The following HELLS variants were observed in gnomAD, a reference collection of about 807,000 sequenced individuals.
The protein encoded by HELLS is lymphoid-specific helicase.
In HELLS, 32 loss-of-function variants were observed where a neutral mutation model predicts 120.0. That is an observed-to-expected ratio of 0.27 (90% CI 0.20 to 0.36). HELLS has a LOEUF of 0.36. HELLS is among the 10% of genes least tolerant of loss of function. HELLS has a pLI of 1.00. For missense variants in HELLS, 650 were observed against 993.4 expected (o/e 0.65, Z 4.65); for synonymous variants, 341 against 323.4 (o/e 1.05, Z -0.58).
In HELLS at chr10:94,577,920, G is replaced by C. The variant is rs1442976390; in HGVS notation, c.1032+1115G>C. On this transcript the variant is annotated intron_variant, in intron 10 of 21. Transcript: ENST00000348459. ...ACTAAAAATTACAAAAAAATTAGCC[G>C]GGCGCGGTGGCGGGCGCCTGTAGTC... Among the ~76,000 whole-genome samples, 3 of 152,138 alleles carry C rather than the reference G, an allele frequency of 2.0e-5. No individual in the cohort carries two copies. The East Asian group carries it at 5.8e-4, about 29-fold the overall frequency.
chr10:94,568,207 C>CG (rs1843936368), intron 6 of HELLS, among the ~76,000 whole-genome samples: 1 of 144,428 alleles, frequency 6.9e-6, no homozygotes. Context: ...CGCGCCTGGC[C>CG]CTTTTTTTTT....
At chr10:94,612,716 A>G (rs1164898510) in exon 10 of HELLS, 3 of 152,232 alleles carry the variant, frequency 2.0e-5, no homozygotes, top group Non-Finnish European at 2.9e-5. Flanking sequence ...ACTTGAGGCC[A>G]GGAGTTTGAA....
rs145028585 is a variant in HELLS, at chr10:94,581,352, A to T, written c.1059A>T (p.Val353=). Reference sequence around the variant, plus strand: ...ATTGCTATTGGAAATACTTAATAGTAGATGAAGGACACAGGATTAAGAATA... The same window carrying T: ...ATTGCTATTGGAAATACTTAATAGTTGATGAAGGACACAGGATTAAGAATA... ...LQHCYWKYLI[V]DEGHRIKNMK... is the part of the protein sequence containing the mutation. The change falls in exon 11 of 22, where the codon GTA becomes GTT. Residue 353 remains valine, a synonymous_variant. Coordinates refer to ENST00000348459, the MANE Select transcript of HELLS (RefSeq NM_018063.5). 21 of 1,588,632 alleles carry T rather than the reference A, an allele frequency of 1.3e-5. No homozygotes were observed. Among genetic ancestry groups the T allele is most frequent in the Non-Finnish European group, 1.5e-5 (18 of 1,169,756 alleles).
At chr10:94,585,904 T>C (rs1845119571) in intron 12 of HELLS, among the ~76,000 whole-genome samples, 1 of 152,030 alleles carries the variant, frequency 6.6e-6, no homozygotes, top group African/African-American at 2.4e-5. Flanking sequence ...GTATAAGTCT[T>C]GTTTTTGTCT....
At chr10:94,602,420 C>T (rs950897474), downstream of HELLS, among the ~76,000 whole-genome samples, 1 of 152,098 alleles carries the variant, frequency 6.6e-6, no homozygotes, top group Admixed American at 6.5e-5. Context: ...AATGCACAAT[C>T]TGTAATAGAA....
exon 9 of HELLS, chr10:94,607,931 T>G: frequency 2.3e-6 from 1 of 432,008 alleles, no homozygotes; most frequent in Non-Finnish European, 4.6e-6. Flanking sequence ...TTTCACCATC[T>G]TGGCCTGACT....
chr10:94,603,044 A>C (rs1846082913), downstream of HELLS, among the ~76,000 whole-genome samples: 1 of 152,202 alleles, frequency 6.6e-6, no homozygotes, highest in African/African-American at 2.4e-5. Context: ...AGAATCTTTA[A>C]AAGTTGTCAC....
In HELLS at chr10:94,565,920, G is replaced by C. The variant is rs7078478; in HGVS notation, c.435+3044G>C. Among the ~76,000 whole-genome samples the C allele has an allele frequency of 3.3e-5, 5 of 151,562 alleles. No homozygotes were observed. In the South Asian group the frequency reaches 6.3e-4, roughly 19 times the overall value. On this transcript the variant is annotated intron_variant, in intron 6 of 21. Coordinates refer to ENST00000348459, the MANE Select transcript of HELLS (RefSeq NM_018063.5). ...ATTGAATTTTTTTTTTTTTGAGACA[G>C]TGTTTCTATTACCCTGGCTCGAATG...
chr10:94,558,721 C>G (rs1035156196), intron 4 of HELLS, among the ~76,000 whole-genome samples: 2 of 152,088 alleles, frequency 1.3e-5, no homozygotes, highest in African/African-American at 4.8e-5. Flanking sequence ...CCTGTCTCAG[C>G]CTCCCGAGTA....
At chr10:94,552,843 G>GTGGC (rs1843053981) in intron 2 of HELLS, among the ~76,000 whole-genome samples, 1 of 152,136 alleles carries the variant, frequency 6.6e-6, no homozygotes, top group South Asian at 2.1e-4. Flanking sequence ...ACAGGGCATG[G>GTGGC]TGGCATCTGC....
At chr10:94,603,362 G>A (rs552794203), downstream of HELLS, among the ~76,000 whole-genome samples, 2 of 152,258 alleles carry the variant, frequency 1.3e-5, no homozygotes, top group African/African-American at 4.8e-5. Flanking sequence ...TCATACAGTT[G>A]TTGACTCTTC....
In HELLS at chr10:94,601,653, C is replaced by A; in HGVS notation, c.*31C>A. 1 of 1,148,032 alleles carries A rather than the reference C, an allele frequency of 8.7e-7. No homozygotes were observed. The highest frequency in any genetic ancestry group is 1.3e-6 in the Non-Finnish European group (1 of 779,676). 71.1% of individuals were successfully genotyped at this position (1,148,032 alleles called of 1,614,324 possible). On this transcript the variant is annotated 3_prime_UTR_variant, in exon 22 of 22. Transcript: ENST00000348459. ...AGCTCAAGAATAGCTTTTAAAAGTTCTTATTTACATCTAGTGATTTCCCTG... is the reference window on the plus strand; with the variant it reads ...AGCTCAAGAATAGCTTTTAAAAGTTATTATTTACATCTAGTGATTTCCCTG...
In HELLS at chr10:94,562,798, A is replaced by T. The variant is rs564011951; in HGVS notation, c.371-14A>T. On this transcript the variant is annotated splice_polypyrimidine_tract_variant and intron_variant, in intron 5 of 21. Coordinates refer to ENST00000348459, the MANE Select transcript of HELLS (RefSeq NM_018063.5). ...TATTTTAATTGCTATCAAAAATAAAATTTTTTTTTATAGTTATGAGGAAAA... is the reference window on the plus strand; with the variant it reads ...TATTTTAATTGCTATCAAAAATAAATTTTTTTTTTATAGTTATGAGGAAAA... The T allele has an allele frequency of 2.3e-4, 349 of 1,529,706 alleles. No individual in the cohort carries two copies. Among genetic ancestry groups the T allele is most frequent in the Middle Eastern group, 7.0e-4 (4 of 5,710 alleles). The allele number at this position is 1,529,706 out of a possible 1,614,324, so 94.8% of individuals were successfully genotyped here.
chr10:94,554,982 C>T (rs977604725), intron 3 of HELLS, among the ~76,000 whole-genome samples: 6 of 151,968 alleles, frequency 3.9e-5, no homozygotes, highest in African/African-American at 1.4e-4. Context: ...AACCCTATCT[C>T]TAATAGAAAA....
At chr10:94,589,596 C>G (rs74150837) in intron 13 of HELLS, among the ~76,000 whole-genome samples, 3,335 of 151,554 alleles carry the variant, frequency 0.022, 125 homozygotes, top group African/African-American at 0.075. Context: ...TTATTGTACA[C>G]TATAAACCTA....
rs1163114791 is a variant in HELLS, at chr10:94,573,972, T to C, written c.490T>C (p.Ser164Pro). 4.4e-6 allele frequency: 7 copies of C among 1,601,406 alleles called. No individual in the cohort carries two copies. Among genetic ancestry groups the C allele is most frequent in the Non-Finnish European group, 6.0e-6 (7 of 1,169,462 alleles). ...TTTTTCTCTACAGGATGAAAACTCC[T>C]CCTCTACTAATCTCTGTGTGGAAGA... ...NKKENEDENS[S>P]STNLCVEDLQ... Residue 164 changes from serine (S) to proline (P), a missense_variant, in exon 8 of 22, where the codon TCC becomes CCC. Ser to Pro is a moderately conservative substitution (Grantham distance 74, BLOSUM62 -1). Around this residue, in one of 9 missense-constraint regions of HELLS, gnomAD observed 113 missense variants for 120.7 expected, o/e 0.94. Coordinates refer to ENST00000348459, the MANE Select transcript of HELLS (RefSeq NM_018063.5).
At chr10:94,548,818 AC>A (rs1362729494) in intron 2 of HELLS, among the ~76,000 whole-genome samples, 1 of 152,016 alleles carries the variant, frequency 6.6e-6, no homozygotes, top group African/African-American at 2.4e-5. Context: ...ACATGGTGAA[AC>A]CCCGTCTCTA....
chr10:94,547,290 G>T (rs113205820), intron 2 of HELLS, among the ~76,000 whole-genome samples: 3 of 152,078 alleles, frequency 2.0e-5, no homozygotes, highest in Non-Finnish European at 4.4e-5. Context: ...TATGATATAG[G>T]TTATTTTTTG....
intron 3 of HELLS, among the ~76,000 whole-genome samples, chr10:94,554,657 T>TG (rs1158991819): frequency 1.0e-5 from 1 of 98,220 alleles, no homozygotes; most frequent in Non-Finnish European, 2.3e-5. Context: ...TTTTTTTTTG[T>TG]TTTTTTTTTT....
Sources: allele counts gnomAD v4.1 joint callset (sites outside exome capture counted in the v4.1 genomes callset), GRCh38; gene constraint gnomAD v4.1.1; regional missense constraint gnomAD v4.1.1; transcripts MANE v1.5; gene names NCBI Gene and HGNC (gene_info 2026-07-23, HGNC 2026-07-21).